Variants in ANKK1 observed in about 807,000 individuals in gnomAD.
ANKK1 encodes ankyrin repeat and protein kinase domain-containing protein 1.
Under a neutral mutation model 37.6 loss-of-function variants are expected in ANKK1, and 37 were observed. That is an observed-to-expected ratio of 0.98 (90% confidence interval 0.76 to 1.29). The LOEUF (loss-of-function observed/expected upper bound fraction) is 1.29. Among genes scored for constraint, ANKK1 ranks in the 50% most tolerant of loss-of-function variants. The pLI is 0.00. For missense variants in ANKK1, 1,019 were observed against 990.6 expected, an observed-to-expected ratio of 1.03 and a Z score of -0.39; for synonymous variants, 415 against 418.7, an observed-to-expected ratio of 0.99 and a Z score of 0.11.
intron 1 of ANKK1, among the ~76,000 whole-genome samples, chr11:113,393,186 A>G (rs1186819669): frequency 6.6e-6 from 1 of 152,218 alleles, no homozygotes; most frequent in Non-Finnish European, 1.5e-5. Flanking sequence ...AGAAACAAGC[A>G]ACTAGAATAA....
rs746405597 is a variant in ANKK1 at position 113,399,818 on chromosome 11, G to A, written c.1849G>A (p.Ala617Thr). Residue 617 changes from alanine to threonine, a missense_variant, in exon 8 of 8, where the codon GCA becomes ACA. Physicochemically the swap from Ala to Thr is moderately conservative, Grantham distance 58. Transcript: ENST00000303941. ...CATCCATCTGCTGGCAGAGAGCCAC[G>A]CAAACATGGGTGCTCTTGGAGCTGT... The part of the protein sequence containing the change: ...EIIHLLAESH[A>T]NMGALGAVNW... 1.7e-5 allele frequency: 27 copies of A among 1,606,274 alleles called. No individual in the cohort carries two copies. Among genetic ancestry groups the A allele is most frequent in the East Asian group, 2.2e-5 (1 of 44,466 alleles).
intron 5 of ANKK1, 42 bp downstream of exon 5, chr11:113,396,264 T>C (rs779731641): frequency 6.2e-7 from 1 of 1,600,572 alleles, no homozygotes; most frequent in East Asian, 2.3e-5. Context: ...GGGAGCTGGG[T>C]GGGGCCGGGA....
chr11:113,392,894 G>A (rs1161123185), intron 1 of ANKK1, among the ~76,000 whole-genome samples: 1 of 152,160 alleles, frequency 6.6e-6, no homozygotes, highest in Admixed American at 6.5e-5. Context: ...CAAAAGGAGA[G>A]AGCAGAAAGA....
rs571374032 is a variant in ANKK1 at position 113,396,194 on chromosome 11, G to T, written c.810G>T (p.Gln270His). The change falls in exon 5 of 8, where the codon CAG (glutamine) becomes CAT (histidine). Residue 270 changes from glutamine to histidine, a missense_variant. Coordinates refer to ENST00000303941, the MANE Select transcript of ANKK1 (RefSeq NM_178510.2). Reference sequence around the variant, plus strand: ...ACCTGATGAAACGCTGCTGGGACCAGGACCCCAAGAAGAGGCCATGCTTTC... The same window carrying T: ...ACCTGATGAAACGCTGCTGGGACCATGACCCCAAGAAGAGGCCATGCTTTC... ...MVDLMKRCWD[Q>H]DPKKRPCFLD... is the part of the protein sequence containing the mutation. 6.2e-7 allele frequency: 1 copy of T among 1,614,006 alleles called. No homozygotes were observed. The highest frequency in any genetic ancestry group is 1.7e-5 in the Admixed American group (1 of 60,028).
chr11:113,392,950 G>A (rs1381595979), intron 1 of ANKK1, among the ~76,000 whole-genome samples: 4 of 152,184 alleles, frequency 2.6e-5, no homozygotes, highest in Non-Finnish European at 5.9e-5. Flanking sequence ...CTTGAAGGTG[G>A]ATAGTAAAAG....
At chr11:113,393,995 T>A (rs1950614953) in intron 2 of ANKK1, among the ~76,000 whole-genome samples, 2 of 152,234 alleles carry the variant, frequency 1.3e-5, no homozygotes, top group African/African-American at 4.8e-5. Context: ...CTCTTTGGAC[T>A]CAGTTTCCCA....
rs1359781076 is a variant in ANKK1, at chr11:113,393,449, C to T, written c.186-32C>T. The T allele has an allele frequency of 5.0e-6, 8 of 1,586,606 alleles. No homozygotes were observed. The East Asian group carries it at 1.3e-4, about 27-fold the overall frequency. On this transcript the variant is annotated intron_variant, in intron 1 of 7. Coordinates refer to ENST00000303941, the MANE Select transcript of ANKK1 (RefSeq NM_178510.2). ...GTTGCTGTAGTAATGAATGGGTCAC[C>T]CCCTTCCATATCTTGCTCCCCCTCT...
rs1005867278 is a variant in ANKK1 at position 113,396,241 on chromosome 11, C to A, written c.838+19C>A. On this transcript the variant is annotated intron_variant, in intron 5 of 7. Coordinates refer to ENST00000303941, the MANE Select transcript of ANKK1 (RefSeq NM_178510.2). ...TTTCTAGGTGCTTATCCAGTGCCCC[C>A]TACCCAGGGACTGGGAGCTGGGTGG... 6.8e-6 allele frequency: 11 copies of A among 1,611,788 alleles called. No homozygotes were observed. Among genetic ancestry groups the A allele is most frequent in the Non-Finnish European group, 8.5e-6 (10 of 1,178,420 alleles).
At chr11:113,397,063 AC>A (rs1345755100) in intron 5 of ANKK1, among the ~76,000 whole-genome samples, 160 bp from the exon 6 acceptor site, 2 of 152,190 alleles carry the variant, frequency 1.3e-5, no homozygotes, top group Non-Finnish European at 1.5e-5. Flanking sequence ...AAGGTGCCCC[AC>A]CATGACCCAG....
chr11:113,392,327 A>T (rs192740232), intron 1 of ANKK1, among the ~76,000 whole-genome samples: 4 of 152,332 alleles, frequency 2.6e-5, no homozygotes, highest in Admixed American at 2.6e-4. Flanking sequence ...ACCCAAGAGG[A>T]TGAGAGAAGA....
At chr11:113,393,844 A>G in intron 2 of ANKK1, 69 bp downstream of exon 2, 1 of 1,484,076 alleles carries the variant, frequency 6.7e-7, no homozygotes, top group Non-Finnish European at 9.0e-7. Flanking sequence ...AGAATTATCC[A>G]CCTGCCTGAC....
Position 113,399,310 on chromosome 11 carries a change from C to T in ANKK1, c.1341C>T (p.Leu447=), listed in dbSNP as rs1396869932. ...QNGDDGTARL[L]LDHGACVDAQ... The stretch of plus-strand genomic sequence containing the variant: ...GGGATGACGGCACTGCGCGCCTGCT[C>T]CTGGACCACGGGGCCTGTGTGGATG... The change falls in exon 8 of 8, where the codon CTC becomes CTT. Residue 447 remains leucine, a synonymous_variant. Coordinates refer to ENST00000303941, the MANE Select transcript of ANKK1 (RefSeq NM_178510.2). The T allele has an allele frequency of 1.2e-6, 2 of 1,600,890 alleles. No homozygotes were observed. The highest frequency in any genetic ancestry group is 1.7e-4 in the Middle Eastern group (1 of 6,050).
At chr11:113,389,085 G>A (rs1950569317) in intron 1 of ANKK1, among the ~76,000 whole-genome samples, 1 of 152,124 alleles carries the variant, frequency 6.6e-6, no homozygotes, top group South Asian at 2.1e-4. Flanking sequence ...GATCGCCTAA[G>A]GCCCACTCAC....
intron 2 of ANKK1, among the ~76,000 whole-genome samples, chr11:113,394,551 G>T (rs1028475544): frequency 6.6e-6 from 1 of 152,148 alleles, no homozygotes; most frequent in Non-Finnish European, 1.5e-5. Flanking sequence ...CAGGGCCCCC[G>T]GAGGTGCAAT....
chr11:113,400,276 G>T lies in ANKK1; in HGVS notation c.*9G>T, dbSNP rs1435469070. The T allele has an allele frequency of 3.3e-5, 51 of 1,531,714 alleles. No homozygotes were observed. The highest frequency in any genetic ancestry group is 4.4e-5 in the Non-Finnish European group (50 of 1,135,850). 94.9% of individuals were successfully genotyped at this position (1,531,714 alleles called of 1,614,324 possible). ...CCGAGATGGAAATTTAGACAACTTGGCCAGCCGTGGTGGCTCACGTCTGTA... is the reference window on the plus strand; with the variant it reads ...CCGAGATGGAAATTTAGACAACTTGTCCAGCCGTGGTGGCTCACGTCTGTA... On this transcript the variant is annotated 3_prime_UTR_variant, in exon 8 of 8. Coordinates refer to ENST00000303941, the MANE Select transcript of ANKK1 (RefSeq NM_178510.2).
At chr11:113,396,993 A>T (rs1341861768) in intron 5 of ANKK1, among the ~76,000 whole-genome samples, 1 of 152,182 alleles carries the variant, frequency 6.6e-6, no homozygotes, top group Non-Finnish European at 1.5e-5. Flanking sequence ...GATTGCCTGA[A>T]CTTGCCCCCT....
At chr11:113,398,122 T>A in intron 7 of ANKK1, 106 bp downstream of exon 7, 1 of 1,326,516 alleles carries the variant, frequency 7.5e-7, no homozygotes, top group Admixed American at 2.0e-5. Flanking sequence ...TCCCCAGGCC[T>A]ATCACACATC....
intron 1 of ANKK1, 74 bp downstream of exon 1, chr11:113,388,143 G>T: frequency 7.0e-7 from 1 of 1,423,468 alleles, no homozygotes; most frequent in Non-Finnish European, 9.2e-7. Flanking sequence ...CAGGGAGCTT[G>T]CGAGGAAGGA....
At position 113,387,984 on chromosome 11, in the gene ANKK1, A is replaced by C. The variant is rs771309001; in HGVS notation, c.100A>C (p.Ser34Arg). Reference sequence around the variant, plus strand: ...GCGCCTAGTGGCCAGCGGCGGCTTCAGCCAGGTGTTCCAGGCGCGGCACAG... The same window carrying C: ...GCGCCTAGTGGCCAGCGGCGGCTTCCGCCAGGTGTTCCAGGCGCGGCACAG... ...DWRLVASGGFSQVFQARHRRW... is the reference protein window; with the variant it reads ...DWRLVASGGFRQVFQARHRRW... The change falls in exon 1 of 8, where the codon AGC becomes CGC. Residue 34 changes from serine (S) to arginine (R), a missense_variant. Coordinates refer to ENST00000303941, the MANE Select transcript of ANKK1 (RefSeq NM_178510.2). 1 of 1,571,434 alleles carries C rather than the reference A, an allele frequency of 6.4e-7. No individual in the cohort carries two copies. The highest frequency in any genetic ancestry group is 8.6e-7 in the Non-Finnish European group (1 of 1,164,580).
Sources: gnomAD v4.1 joint callset for allele counts (sites outside exome capture counted in the v4.1 genomes callset) on GRCh38, gnomAD v4.1.1 for gene constraint, MANE v1.5 for transcripts, NCBI Gene and HGNC (gene_info 2026-07-23, HGNC 2026-07-21) for gene names.